DNAAF3: variants seen among roughly 807,000 people sequenced by gnomAD.
DNAAF3 encodes the protein dynein axonemal assembly factor 3.
A neutral mutation model predicts 50.9 loss-of-function variants in DNAAF3; 40 were observed. That is an observed-to-expected ratio of 0.79 (90% CI 0.61 to 1.02). DNAAF3 has a LOEUF of 1.02. Ranked by LOEUF, DNAAF3 falls within the 50% of genes least tolerant of loss-of-function variation. DNAAF3 has a pLI of 0.00. For missense variants in DNAAF3, 763 were observed against 744.7 expected (o/e 1.02, Z -0.29); for synonymous variants, 327 against 322.8 (o/e 1.01, Z -0.14).
rs373485523 is a variant in DNAAF3 at position 55,160,064 on chromosome 19, C to A, written c.1049-51G>T. 7.6e-7 allele frequency: 1 copy of A among 1,308,534 alleles called. No individual in the cohort carries two copies. The highest frequency in any genetic ancestry group is 2.3e-5 in the East Asian group (1 of 43,292). 81.1% of individuals were successfully genotyped at this position (1,308,534 alleles called of 1,614,324 possible). On this transcript the variant is annotated intron_variant, in intron 9 of 11. Transcript: ENST00000524407. The surrounding 1 kb of genome is among the most constrained non-coding windows in gnomAD (Gnocchi z 4.7). ...CCTCTGACAGGCGGAGCCATAAGGG[C>A]GGAAAACCAGAGAGATACACAGAGC...
chr19:55,160,499 G>C lies in DNAAF3; in HGVS notation c.1048+141C>G. 7.1e-7 allele frequency: 1 copy of C among 1,408,080 alleles called. No individual in the cohort carries two copies. Among genetic ancestry groups the C allele is most frequent in the Non-Finnish European group, 9.7e-7 (1 of 1,025,682 alleles). The allele number at this position is 1,408,080 out of a possible 1,614,324, so 87.2% of individuals were successfully genotyped here. On this transcript the variant is annotated intron_variant, in intron 9 of 11. Transcript: ENST00000524407. The surrounding 1 kb of genome is among the most constrained non-coding windows in gnomAD (Gnocchi z 4.7). ...AAGCATGCTCTCAGAATTTAGGAAA[G>C]GGAGAGAAAGAGAGAAAAAGAGACA...
chr19:55,163,052 T>TA (rs2085869963), intron 4 of DNAAF3, among the ~76,000 whole-genome samples: 1 of 136,892 alleles, frequency 7.3e-6, no homozygotes, highest in Admixed American at 7.6e-5. Flanking sequence ...CTCTGTCGCC[T>TA]AGACTGTAGT....
Position 55,162,245 on chromosome 19 carries a change from C to T in DNAAF3, c.368G>A (p.Arg123His), listed in dbSNP as rs1432760382. ...ACGCACGAAGGCGGCCACTGGCGGG[C>T]GCAGCAGCGCGTTCCCCCACACTTC... Reference protein sequence around the residue: ...FLEVWGNALLRPPVAAFVRAQ... With the variant: ...FLEVWGNALLHPPVAAFVRAQ... Residue 123 changes from arginine to histidine, a missense_variant, in exon 5 of 12, where the codon CGC (arginine) becomes CAC (histidine). By Grantham distance (29) the Arg-to-His change is conservative (BLOSUM62 0). Coordinates refer to ENST00000524407, the MANE Select transcript of DNAAF3 (RefSeq NM_001256715.2). 4 of 1,246,860 alleles carry T rather than the reference C, an allele frequency of 3.2e-6. No homozygotes were observed. Among genetic ancestry groups the T allele is most frequent in the Non-Finnish European group, 4.0e-6 (4 of 989,296 alleles). The allele number at this position is 1,246,860 out of a possible 1,614,324, so 77.2% of individuals were successfully genotyped here.
Position 55,165,890 on chromosome 19 carries a change from G to A in DNAAF3, c.196C>T (p.Arg66Ter). 1 of 1,614,100 alleles carries A rather than the reference G, an allele frequency of 6.2e-7. No individual in the cohort carries two copies. Among genetic ancestry groups the A allele is most frequent in the Non-Finnish European group, 8.5e-7 (1 of 1,180,022 alleles). The change falls in exon 3 of 12, where the codon CGA becomes TGA. Residue 66 changes from arginine (R) to a stop codon, truncating the protein, a stop_gained. Coordinates refer to ENST00000524407, the MANE Select transcript of DNAAF3 (RefSeq NM_001256715.2). LOFTEE classifies it high-confidence loss of function. ...DGRHLLRTLS[R>*]AKFWPRRRFN... ...CTCCTGCGAGGCCAGAACTTCGCTC[G>A]GGACAGGGTCCGCAGCAGGTGCCGT...
At position 55,161,484 on chromosome 19, in the gene DNAAF3, C is replaced by A; in HGVS notation, c.664-66G>T. 1 of 1,535,472 alleles carries A rather than the reference C, an allele frequency of 6.5e-7. No individual in the cohort carries two copies. Among genetic ancestry groups the A allele is most frequent in the South Asian group, 1.3e-5 (1 of 79,398 alleles). ...GAGCGTGGAGAGACCCCTACACCAG[C>A]CTCCCTCAGACCCAGGAGTCCAGGT... On this transcript the variant is annotated intron_variant, in intron 6 of 11. Coordinates refer to ENST00000524407, the MANE Select transcript of DNAAF3 (RefSeq NM_001256715.2). This position sits in a 1 kb window ranked among gnomAD's most constrained non-coding sequence, Gnocchi z 6.4.
At chr19:55,165,021 CTTTTTTTTTTTTTTTTTT>C (rs1164581047) in intron 4 of DNAAF3, among the ~76,000 whole-genome samples, 1 of 84,572 alleles carries the variant, frequency 1.2e-5, no homozygotes, top group African/African-American at 5.3e-5. Context: ...GTTTCGCTCT[CTTTTTTTTTTTTTTTTTT>C]TTTTTTTTGA....
chr19:55,162,317 G>C (rs931354583), intron 4 of DNAAF3, 27 bp from the exon 5 acceptor site: 2 of 1,249,582 alleles, frequency 1.6e-6, no homozygotes, highest in Middle Eastern at 2.1e-4. Flanking sequence ...ATAATTGCGG[G>C]AATGTGTGGA....
rs2147297158 is a variant in DNAAF3 at position 55,161,542 on chromosome 19, C to A, written c.663+101G>T. 1 of 1,476,298 alleles carries A rather than the reference C, an allele frequency of 6.8e-7. No homozygotes were observed. Among genetic ancestry groups the A allele is most frequent in the East Asian group, 2.4e-5 (1 of 42,102 alleles). The allele number at this position is 1,476,298 out of a possible 1,614,324, so 91.4% of individuals were successfully genotyped here. ...CCCTCCTCCCTCAGACCCAGGAGTT[C>A]AGGCCCCCAAACCCTCCTCCCTCAG... is the stretch of plus-strand genomic sequence containing the variant. On this transcript the variant is annotated intron_variant, in intron 6 of 11. Coordinates refer to ENST00000524407, the MANE Select transcript of DNAAF3 (RefSeq NM_001256715.2). This position sits in a 1 kb window ranked among gnomAD's most constrained non-coding sequence, Gnocchi z 6.4.
In DNAAF3 at chr19:55,158,967, G is replaced by C; in HGVS notation, c.*95C>G. 1 of 1,392,096 alleles carries C rather than the reference G, an allele frequency of 7.2e-7. No individual in the cohort carries two copies. The highest frequency in any genetic ancestry group is 9.7e-7 in the Non-Finnish European group (1 of 1,033,798). 86.2% of individuals were successfully genotyped at this position (1,392,096 alleles called of 1,614,324 possible). A position where few individuals can be genotyped will look rare whatever the true frequency, so the allele number is the denominator to read the frequency against. Reference sequence around the variant, plus strand: ...GAGTGGGAATGATTAGAATAAAATTGAGGACTCTAGCAGCGGACTTAGAAT... The same window carrying C: ...GAGTGGGAATGATTAGAATAAAATTCAGGACTCTAGCAGCGGACTTAGAAT... On this transcript the variant is annotated 3_prime_UTR_variant, in exon 12 of 12. Transcript: ENST00000524407.
rs1045676325 is a variant in DNAAF3 at position 55,160,912 on chromosome 19, C to G, written c.913-137G>C. The G allele has an allele frequency of 2.1e-6, 3 of 1,451,142 alleles. No homozygotes were observed. Among genetic ancestry groups the G allele is most frequent in the Admixed American group, 2.6e-5 (1 of 38,344 alleles). The allele number at this position is 1,451,142 out of a possible 1,614,324, so 89.9% of individuals were successfully genotyped here. A position where few individuals can be genotyped will look rare whatever the true frequency, so the allele number is the denominator to read the frequency against. Reference sequence around the variant, plus strand: ...GTGAAGTGGGGCGGGACCTATCCCGCGGGGATGGGGCCTGTTCTCTGAATG... The same window carrying G: ...GTGAAGTGGGGCGGGACCTATCCCGGGGGGATGGGGCCTGTTCTCTGAATG... On this transcript the variant is annotated intron_variant, in intron 8 of 11. Transcript: ENST00000524407. The surrounding 1 kb of genome is among the most constrained non-coding windows in gnomAD (Gnocchi z 4.7).
At position 55,161,696 on chromosome 19, in the gene DNAAF3, C is replaced by CCCA. The variant is rs2147297760; in HGVS notation, c.609_610insTGG (p.Asp203_Ala204insTrp). 7.8e-6 allele frequency: 12 copies of CCCA among 1,540,698 alleles called. No individual in the cohort carries two copies. In the South Asian group the frequency reaches 1.4e-4, roughly 18 times the overall value. ...TCCCAGTCGCTGACACCGCGCCGGG[C>CCCA]GTCGTAGCGGGAGCCCAGGTAGTGG... On this transcript the variant is annotated inframe_insertion, in exon 6 of 12. Coordinates refer to ENST00000524407, the MANE Select transcript of DNAAF3 (RefSeq NM_001256715.2). The surrounding 1 kb of genome is among the most constrained non-coding windows in gnomAD (Gnocchi z 6.4).
intron 4 of DNAAF3, chr19:55,162,642 A>C: frequency 1.0e-6 from 1 of 1,002,704 alleles, no homozygotes; most frequent in South Asian, 4.7e-5. Context: ...CAGATTCCAC[A>C]CTCACCGCAG....
chr19:55,161,018 C>A lies in DNAAF3; in HGVS notation c.912+47G>T, dbSNP rs1372609306. 6 of 1,498,850 alleles carry A rather than the reference C, an allele frequency of 4.0e-6. No homozygotes were observed. Among genetic ancestry groups the A allele is most frequent in the South Asian group, 3.8e-5 (3 of 79,656 alleles). 92.8% of individuals were successfully genotyped at this position (1,498,850 alleles called of 1,614,324 possible). A position where few individuals can be genotyped will look rare whatever the true frequency, so the allele number is the denominator to read the frequency against. On this transcript the variant is annotated intron_variant, in intron 8 of 11. Coordinates refer to ENST00000524407, the MANE Select transcript of DNAAF3 (RefSeq NM_001256715.2). The surrounding 1 kb of genome is among the most constrained non-coding windows in gnomAD (Gnocchi z 6.4). ...TGGGGGCGGGGCCTTGCGCACCCAC[C>A]GACCCCCAGCCCCACCTCTACCCCC...
chr19:55,159,458 G>A lies in DNAAF3; in HGVS notation c.1239-9C>T, dbSNP rs1568862233. On this transcript the variant is annotated splice_polypyrimidine_tract_variant and intron_variant, in intron 11 of 11. Coordinates refer to ENST00000524407, the MANE Select transcript of DNAAF3 (RefSeq NM_001256715.2). ...GCACGTCCACCAGGTACCTGCAGAT[G>A]GGAAGCGCCCTGTCAGGGACCCAGA... 3 of 1,612,488 alleles carry A rather than the reference G, an allele frequency of 1.9e-6. No homozygotes were observed. The highest frequency in any genetic ancestry group is 1.7e-5 in the Admixed American group (1 of 59,988).
rs202056577 is a variant in DNAAF3 at position 55,160,683 on chromosome 19, C to T, written c.1005G>A (p.Glu335=). The change falls in exon 9 of 12, where the codon GAG becomes GAA. Residue 335 remains glutamate, a synonymous_variant. Coordinates refer to ENST00000524407, the MANE Select transcript of DNAAF3 (RefSeq NM_001256715.2). This position sits in a 1 kb window ranked among gnomAD's most constrained non-coding sequence, Gnocchi z 4.7. ...GRARATGGDL[E]EQQHAEGSPE... ...GGCTTCCCTCCGCGTGCTGCTGCTCCTCCAGGTCCCCCCCGGTGGCTCTCG... is the reference window on the plus strand; with the variant it reads ...GGCTTCCCTCCGCGTGCTGCTGCTCTTCCAGGTCCCCCCCGGTGGCTCTCG... The T allele has an allele frequency of 1.5e-5, 25 of 1,613,892 alleles. No homozygotes were observed. Among genetic ancestry groups the T allele is most frequent in the South Asian group, 3.3e-5 (3 of 91,088 alleles).
Position 55,160,006 on chromosome 19 carries a change from C to T in DNAAF3, c.1056G>A (p.Pro352=), listed in dbSNP as rs891187. ...GSPEPGTPAA[P]TPESFTVHFL... ...AGTGGACGGTGAAAGATTCCGGGGT[C>T]GGGGCTGCTGGGGGAAGGGGATAGA... is the stretch of plus-strand genomic sequence containing the variant. Residue 352 remains proline (P), a synonymous_variant, in exon 10 of 12, where the codon CCG becomes CCA. Coordinates refer to ENST00000524407, the MANE Select transcript of DNAAF3 (RefSeq NM_001256715.2). This position sits in a 1 kb window ranked among gnomAD's most constrained non-coding sequence, Gnocchi z 4.7. The T allele has an allele frequency of 0.24, 314,598 of 1,302,950 alleles. 38,891 individuals are homozygous for T. The highest frequency in any genetic ancestry group is 0.61 in the African/African-American group (43,291 of 71,442). 80.7% of individuals were successfully genotyped at this position (1,302,950 alleles called of 1,614,324 possible). A position where few individuals can be genotyped will look rare whatever the true frequency, so the allele number is the denominator to read the frequency against.
Position 55,160,503 on chromosome 19 carries a change from G to A in DNAAF3, c.1048+137C>T, listed in dbSNP as rs1568863324. The A allele has an allele frequency of 7.0e-7, 1 of 1,434,452 alleles. No homozygotes were observed. The highest frequency in any genetic ancestry group is 9.5e-7 in the Non-Finnish European group (1 of 1,048,326). 88.9% of individuals were successfully genotyped at this position (1,434,452 alleles called of 1,614,324 possible). On this transcript the variant is annotated intron_variant, in intron 9 of 11. Coordinates refer to ENST00000524407, the MANE Select transcript of DNAAF3 (RefSeq NM_001256715.2). This position sits in a 1 kb window ranked among gnomAD's most constrained non-coding sequence, Gnocchi z 4.7. ...ATGCTCTCAGAATTTAGGAAAGGGA[G>A]AGAAAGAGAGAAAAAGAGACAGAAT... is the stretch of plus-strand genomic sequence containing the variant.
chr19:55,161,386 G>C lies in DNAAF3; in HGVS notation c.696C>G (p.Arg232=). ...CAAAGGCGACGCCTGTGTCCCGCCA[G>C]CGTCGGAACTCCTGGGGGTGAATGA... ...AQVIHPQEFR[R]WRDTGVAFEL... The change falls in exon 7 of 12, where the codon CGC becomes CGG. Residue 232 remains arginine (R), a synonymous_variant. Coordinates refer to ENST00000524407, the MANE Select transcript of DNAAF3 (RefSeq NM_001256715.2). The surrounding 1 kb of genome is among the most constrained non-coding windows in gnomAD (Gnocchi z 6.4). The C allele has an allele frequency of 1.4e-6, 2 of 1,430,550 alleles. No homozygotes were observed. The highest frequency in any genetic ancestry group is 1.1e-5 in the South Asian group (1 of 88,494). 88.6% of individuals were successfully genotyped at this position (1,430,550 alleles called of 1,614,324 possible). A position where few individuals can be genotyped will look rare whatever the true frequency, so the allele number is the denominator to read the frequency against.
rs554718938 is a variant in DNAAF3, at chr19:55,164,212, C to T, written c.322+1158G>A. On this transcript the variant is annotated intron_variant, in intron 4 of 11. Coordinates refer to ENST00000524407, the MANE Select transcript of DNAAF3 (RefSeq NM_001256715.2). The stretch of plus-strand genomic sequence containing the variant: ...CTCTTTTCTTGGGGCCGGGTGTGAT[C>T]GCACCCGCCTGTAAACCTAGCACTT... Among the ~76,000 whole-genome samples the T allele has an allele frequency of 1.1e-4, 16 of 152,178 alleles. No individual in the cohort carries two copies. The South Asian group carries it at 2.9e-3, about 28-fold the overall frequency.
Sources: allele counts gnomAD v4.1 joint callset (sites outside exome capture counted in the v4.1 genomes callset), GRCh38; gene constraint gnomAD v4.1.1; non-coding constraint Gnocchi (gnomAD v3.1); transcripts MANE v1.5; gene names NCBI Gene and HGNC (gene_info 2026-07-23, HGNC 2026-07-21).